The following MTUS2 variants were observed in gnomAD, a reference collection of about 807,000 sequenced individuals.
The protein encoded by MTUS2 is microtubule associated scaffold protein 2.
Under a neutral mutation model 114.1 loss-of-function variants are expected in MTUS2, and 40 were observed. The observed-to-expected ratio is 0.35, with a 90% CI of 0.27 to 0.46. MTUS2 has a LOEUF of 0.46. Ranked by LOEUF, MTUS2 falls within the 20% of genes least tolerant of loss-of-function variation. MTUS2 has a pLI of 1.00. For missense variants in MTUS2, 1,679 were observed against 1,705.4 expected, an observed-to-expected ratio of 0.98 and a Z score of 0.27; for synonymous variants, 688 against 672.0, an observed-to-expected ratio of 1.02 and a Z score of -0.37.
intron 12 of MTUS2, among the ~76,000 whole-genome samples, chr13:29,495,476 A>G (rs190898008): frequency 1.4e-3 from 220 of 152,208 alleles, no homozygotes; most frequent in African/African-American, 5.2e-3. Context: ...CAAGCAGTCA[A>G]GCCCAGCACT....
intron 11 of MTUS2, among the ~76,000 whole-genome samples, chr13:29,491,869 TGTG>T (rs1379924496): frequency 7.4e-6 from 1 of 134,362 alleles, no homozygotes; most frequent in South Asian, 2.5e-4. Context: ...ATGTATGTGA[TGTG>T]TGTGTGGTGG....
At chr13:29,123,488 T>C (rs1396001117) in intron 5 of MTUS2, among the ~76,000 whole-genome samples, 2 of 152,036 alleles carry the variant, frequency 1.3e-5, no homozygotes, top group African/African-American at 4.8e-5. Context: ...AGGCCGAGAA[T>C]AGCGGACCAC....
chr13:29,219,414 A>G (rs1027696832), intron 5 of MTUS2, among the ~76,000 whole-genome samples: 1 of 151,466 alleles, frequency 6.6e-6, no homozygotes. Flanking sequence ...GCTATTGTGA[A>G]TAATGCCGCA....
In MTUS2 at chr13:29,033,952, C is replaced by T. The variant is rs1886945538; in HGVS notation, c.2273C>T (p.Thr758Ile). 2 of 1,614,008 alleles carry T rather than the reference C, an allele frequency of 1.2e-6. No homozygotes were observed. The highest frequency in any genetic ancestry group is 4.5e-5 in the East Asian group (2 of 44,880). ...TATGCTCATTATGAAGTCCCTCCAA[C>T]TTTCTATCGGTCAGCCATGCTCCTT... Reference protein sequence around the residue: ...PPYAHYEVPPTFYRSAMLLKP... With the variant: ...PPYAHYEVPPIFYRSAMLLKP... Residue 758 changes from threonine (T) to isoleucine (I), a missense_variant, in exon 4 of 16, where the codon ACT becomes ATT. Transcript: ENST00000612955.
chr13:29,386,300 G>A (rs1197162161), intron 8 of MTUS2, among the ~76,000 whole-genome samples: 1 of 152,206 alleles, frequency 6.6e-6, no homozygotes, highest in African/African-American at 2.4e-5. Flanking sequence ...AAGACAGCCA[G>A]TGACTTATAG....
intron 5 of MTUS2, among the ~76,000 whole-genome samples, chr13:29,122,712 C>G (rs1891361651): frequency 6.6e-6 from 1 of 152,168 alleles, no homozygotes; most frequent in African/African-American, 2.4e-5. Context: ...CCACCTATGA[C>G]TGTTTGATTA....
intron 4 of MTUS2, among the ~76,000 whole-genome samples, chr13:29,057,978 C>T (rs567929607): frequency 2.6e-5 from 4 of 152,160 alleles, no homozygotes; most frequent in Middle Eastern, 3.4e-3. Flanking sequence ...GACCTCTTAT[C>T]TAGTGGTAAC....
At chr13:29,110,634 C>T (rs970771526) in intron 5 of MTUS2, among the ~76,000 whole-genome samples, 2 of 152,008 alleles carry the variant, frequency 1.3e-5, no homozygotes, top group Admixed American at 6.6e-5. Context: ...TTCCTCTTTT[C>T]TTTGCTTCCT....
chr13:29,028,173 A>G (rs1050738853), intron 3 of MTUS2, among the ~76,000 whole-genome samples: 2 of 150,230 alleles, frequency 1.3e-5, no homozygotes, highest in Non-Finnish European at 2.9e-5. Context: ...CAACATGGTG[A>G]AACCCCGTCT....
chr13:29,074,498 G>A (rs985305246), intron 4 of MTUS2, among the ~76,000 whole-genome samples: 33 of 152,130 alleles, frequency 2.2e-4, no homozygotes, highest in Admixed American at 1.8e-3. Context: ...CATGGCACGC[G>A]GTGTACATTC....
chr13:28,976,203 C>CA (rs71090215), intron 2 of MTUS2, among the ~76,000 whole-genome samples: 11,585 of 89,852 alleles, frequency 0.13, 823 homozygotes, highest in African/African-American at 0.2. Flanking sequence ...GACCTTGTCT[C>CA]AAAAAAAAAA....
At chr13:29,383,792 C>T (rs374300785) in intron 8 of MTUS2, among the ~76,000 whole-genome samples, 18 of 152,164 alleles carry the variant, frequency 1.2e-4, no homozygotes, top group Non-Finnish European at 1.5e-4. Flanking sequence ...AAAGGAGATG[C>T]GGCACCTGGA....
intron 2 of MTUS2, among the ~76,000 whole-genome samples, chr13:28,911,845 G>GTTTTTTTTTTTTTTTTTTTTT (rs202187530): frequency 3.9e-5 from 4 of 103,828 alleles, no homozygotes; most frequent in Non-Finnish European, 8.0e-5. Flanking sequence ...ACTTTTTAAT[G>GTTTTTTTTTTTTTTTTTTTTT]TTTTTTTTTT....
chr13:29,093,730 T>C (rs1382745622), intron 4 of MTUS2, among the ~76,000 whole-genome samples: 1 of 152,204 alleles, frequency 6.6e-6, no homozygotes, highest in African/African-American at 2.4e-5. Flanking sequence ...GTTTCCAATC[T>C]GTACATTTCT....
intron 2 of MTUS2, among the ~76,000 whole-genome samples, chr13:28,945,506 C>T (rs1006577672): frequency 1.3e-5 from 2 of 152,098 alleles, no homozygotes; most frequent in African/African-American, 2.4e-5. Flanking sequence ...TATTTTTTGA[C>T]ATTTTAATAA....
intron 8 of MTUS2, among the ~76,000 whole-genome samples, chr13:29,387,496 G>T (rs1872705256): frequency 6.6e-6 from 1 of 152,160 alleles, no homozygotes; most frequent in Admixed American, 6.5e-5. Flanking sequence ...AAGCTGTGGG[G>T]CAGACATGTG....
intron 5 of MTUS2, among the ~76,000 whole-genome samples, chr13:29,159,612 G>A (rs1893010147): frequency 6.6e-6 from 1 of 151,148 alleles, no homozygotes; most frequent in African/African-American, 2.4e-5. Flanking sequence ...ATCTGACAAA[G>A]GACTAATATA....
intron 2 of MTUS2, among the ~76,000 whole-genome samples, chr13:28,887,963 C>T (rs1878688756): frequency 1.3e-5 from 2 of 152,172 alleles, no homozygotes; most frequent in South Asian, 4.1e-4. Flanking sequence ...TTCTACTTTC[C>T]TTCAAGCTTT....
chr13:28,989,856 T>TG (rs1376289765), intron 2 of MTUS2, among the ~76,000 whole-genome samples: 42 of 132,186 alleles, frequency 3.2e-4, no homozygotes, highest in East Asian at 1.5e-3. Flanking sequence ...TGTTTTGTTT[T>TG]TTTTTTTTTT....
Sources: allele counts gnomAD v4.1 joint callset (sites outside exome capture counted in the v4.1 genomes callset), GRCh38; gene constraint gnomAD v4.1.1; transcripts MANE v1.5; gene names NCBI Gene and HGNC (gene_info 2026-07-23, HGNC 2026-07-21).